LRP1B: variants seen among roughly 807,000 people sequenced by gnomAD.
LRP1B encodes low-density lipoprotein receptor-related protein 1B.
Under a neutral mutation model 556.6 loss-of-function variants are expected in LRP1B, and 217 were observed. The observed-to-expected ratio is 0.39, with a 90% CI of 0.35 to 0.44. The LOEUF is 0.44. Among genes scored for constraint, LRP1B ranks in the 20% least tolerant of loss-of-function variants. LRP1B has a pLI of 1.00. For missense variants in LRP1B, 5,053 were observed against 5,620.8 expected, an observed-to-expected ratio of 0.90 and a Z score of 3.23; for synonymous variants, 2,047 against 1,865.8, an observed-to-expected ratio of 1.10 and a Z score of -2.50.
rs190977991 is a variant in LRP1B, at chr2:141,606,997, C to T, written c.206-126464G>A. On this transcript the variant is annotated intron_variant, in intron 2 of 90. Coordinates refer to ENST00000389484, the MANE Select transcript of LRP1B (RefSeq NM_018557.3). ...ATCCCTTTCCTCCCTCCCTCCCTTC[C>T]TTCCTTTCTTGTTTTTCTTCCAACA... Among the ~76,000 whole-genome samples the T allele has an allele frequency of 4.2e-3, 632 of 152,054 alleles. 6 individuals carry two copies. The highest frequency in any genetic ancestry group is 6.5e-3 in the Non-Finnish European group (445 of 67,972).
intron 2 of LRP1B, among the ~76,000 whole-genome samples, chr2:141,609,025 G>A (rs114050452): frequency 0.011 from 1,673 of 152,038 alleles, 16 homozygotes; most frequent in Middle Eastern, 0.027. Context: ...TCAATTTTTT[G>A]TGCTACTCAC....
At chr2:140,641,763 A>T (rs748027496) in intron 41 of LRP1B, among the ~76,000 whole-genome samples, 3 of 152,210 alleles carry the variant, frequency 2.0e-5, no homozygotes, top group Non-Finnish European at 4.4e-5. Flanking sequence ...CATGCATATG[A>T]CCATATAGAG....
intron 35 of LRP1B, among the ~76,000 whole-genome samples, chr2:140,761,425 G>A (rs1018506677): frequency 6.6e-6 from 1 of 152,158 alleles, no homozygotes; most frequent in African/African-American, 2.4e-5. Flanking sequence ...TCTCTGAGGG[G>A]AGGATGCATC....
chr2:141,834,722 TG>T (rs1273898696), intron 1 of LRP1B, among the ~76,000 whole-genome samples: 2 of 151,804 alleles, frequency 1.3e-5, no homozygotes, highest in Admixed American at 1.3e-4. Context: ...TAAGAAGGAT[TG>T]GGATCAGAAG....
At chr2:140,293,659 G>T (rs1396737920) in intron 84 of LRP1B, among the ~76,000 whole-genome samples, 1 of 151,980 alleles carries the variant, frequency 6.6e-6, no homozygotes, top group Non-Finnish European at 1.5e-5. Flanking sequence ...AGAACACCAG[G>T]TCCACTGAAC....
chr2:141,055,301 A>G (rs745522174), intron 9 of LRP1B, 42 bp from the exon 10 acceptor site: 3 of 1,579,238 alleles, frequency 1.9e-6, no homozygotes, highest in Non-Finnish European at 2.6e-6. Context: ...TTCAAGTTCA[A>G]AGATAAGATA....
intron 1 of LRP1B, among the ~76,000 whole-genome samples, chr2:142,084,229 A>G (rs1296760274): frequency 1.3e-5 from 2 of 152,024 alleles, no homozygotes; most frequent in African/African-American, 4.8e-5. Flanking sequence ...TGATCCGCCC[A>G]CCTTGGCCTC....
chr2:141,375,866 G>T (rs1015583596), intron 3 of LRP1B, among the ~76,000 whole-genome samples: 12 of 152,230 alleles, frequency 7.9e-5, no homozygotes, highest in Non-Finnish European at 1.8e-4. Flanking sequence ...TGGTTTCCCT[G>T]TCCTACCTTG....
At chr2:142,058,259 A>G (rs1704753431) in intron 1 of LRP1B, among the ~76,000 whole-genome samples, 1 of 152,028 alleles carries the variant, frequency 6.6e-6, no homozygotes, top group Admixed American at 6.6e-5. Context: ...TCCTGCTGGG[A>G]TTTGCACTTA....
chr2:140,811,415 C>G (rs1690920461), intron 32 of LRP1B, among the ~76,000 whole-genome samples: 1 of 152,128 alleles, frequency 6.6e-6, no homozygotes, highest in Admixed American at 6.6e-5. Flanking sequence ...CAGAAATAAA[C>G]CTTCATAAAG....
intron 2 of LRP1B, among the ~76,000 whole-genome samples, chr2:141,720,697 C>T (rs1692779139): frequency 6.6e-6 from 1 of 152,060 alleles, no homozygotes. Flanking sequence ...GTCTTTTCAT[C>T]ATCAGAATTT....
Position 140,238,104 on chromosome 2 carries a change from G to C in LRP1B, c.13560+48C>G, listed in dbSNP as rs145315710. 5.8e-5 allele frequency: 86 copies of C among 1,491,662 alleles called. No individual in the cohort carries two copies. In the Middle Eastern group the frequency reaches 9.0e-4, roughly 16 times the overall value. 92.4% of individuals were successfully genotyped at this position (1,491,662 alleles called of 1,614,324 possible). On this transcript the variant is annotated intron_variant, in intron 89 of 90. Transcript: ENST00000389484. Reference sequence around the variant, plus strand: ...ATTCAGAACCATAAAACAGAGATGCGACTCAAGAATGTTAGTGCTCACTGC... The same window carrying C: ...ATTCAGAACCATAAAACAGAGATGCCACTCAAGAATGTTAGTGCTCACTGC...
chr2:141,315,573 T>C (rs1323474158), intron 3 of LRP1B, among the ~76,000 whole-genome samples: 1 of 151,922 alleles, frequency 6.6e-6, no homozygotes, highest in Non-Finnish European at 1.5e-5. Flanking sequence ...GATTGTATTT[T>C]ATAAATGTAT....
At chr2:141,717,672 C>T (rs990781349) in intron 2 of LRP1B, among the ~76,000 whole-genome samples, 2 of 152,128 alleles carry the variant, frequency 1.3e-5, no homozygotes, top group South Asian at 2.1e-4. Flanking sequence ...ACGCACTTAC[C>T]CCAGTCATGG....
At position 140,358,829 on chromosome 2, in the gene LRP1B, T is replaced by A. The variant is rs773248725; in HGVS notation, c.11249A>T (p.His3750Leu). 6 of 1,607,926 alleles carry A rather than the reference T, an allele frequency of 3.7e-6. No individual in the cohort carries two copies. The South Asian group carries it at 6.6e-5, about 18-fold the overall frequency. ...DECGDNSDED[H>L]CGGKLTYKAR... Reference sequence around the variant, plus strand: ...ACATTAAATGCATTTACCACCACAGTGATCTTCATCTGAATTGTCACCGCA... The same window carrying A: ...ACATTAAATGCATTTACCACCACAGAGATCTTCATCTGAATTGTCACCGCA... The change falls in exon 73 of 91, where the codon CAC (histidine) becomes CTC (leucine). Residue 3750 changes from histidine (H) to leucine (L), a missense_variant. By Grantham distance (99) the His-to-Leu change is moderately conservative. Transcript: ENST00000389484.
intron 2 of LRP1B, among the ~76,000 whole-genome samples, chr2:141,636,186 G>A (rs905209354): frequency 6.6e-6 from 1 of 152,098 alleles, no homozygotes; most frequent in African/African-American, 2.4e-5. Context: ...ATAAAAATAA[G>A]CAACAGGTAT....
rs144062776 is a variant in LRP1B, at chr2:140,675,654, G to A, written c.6799+24596C>T. 4.6e-5 allele frequency among the ~76,000 whole-genome samples: 7 copies of A among 152,248 alleles called. No individual in the cohort carries two copies. In the East Asian group the frequency reaches 5.8e-4, roughly 13 times the overall value. ...AATAGCTGATTGTGGTGGTGCTCCT[G>A]TAGTTCCAGCTACTCAGGAAGCTGA... is the stretch of plus-strand genomic sequence containing the variant. On this transcript the variant is annotated intron_variant, in intron 41 of 90. Coordinates refer to ENST00000389484, the MANE Select transcript of LRP1B (RefSeq NM_018557.3).
chr2:141,407,277 G>A (rs778928820), intron 3 of LRP1B, among the ~76,000 whole-genome samples: 1 of 152,136 alleles, frequency 6.6e-6, no homozygotes, highest in Non-Finnish European at 1.5e-5. Flanking sequence ...ATGTTAAGAT[G>A]TATTTAATTC....
rs182695102 is a variant in LRP1B at position 140,890,929 on chromosome 2, G to A, written c.3767-4594C>T. 2.0e-5 allele frequency among the ~76,000 whole-genome samples: 3 copies of A among 152,016 alleles called. No homozygotes were observed. The East Asian group carries it at 5.8e-4, about 29-fold the overall frequency. On this transcript the variant is annotated intron_variant, in intron 23 of 90. Coordinates refer to ENST00000389484, the MANE Select transcript of LRP1B (RefSeq NM_018557.3). ...CATAACTATATTAACATCTTTTGTG[G>A]CAACTCAATTTAGAATGAATATAAA... is the stretch of plus-strand genomic sequence containing the variant.
Sources: allele counts gnomAD v4.1 joint callset (sites outside exome capture counted in the v4.1 genomes callset), GRCh38; gene constraint gnomAD v4.1.1; transcripts MANE v1.5; gene names NCBI Gene and HGNC (gene_info 2026-07-23, HGNC 2026-07-21).